Variants in DCLK1 observed in about 807,000 individuals in gnomAD.
DCLK1 encodes the protein doublecortin like kinase 1.
A neutral mutation model predicts 86.2 loss-of-function variants in DCLK1; 16 were observed. That is an observed-to-expected ratio of 0.19 (90% confidence interval 0.13 to 0.28). The LOEUF (loss-of-function observed/expected upper bound fraction) is 0.28. DCLK1 is among the 10% of genes least tolerant of loss of function. DCLK1 has a pLI of 1.00. For synonymous variants in DCLK1, 369 were observed against 370.5 expected (o/e 1.00, Z 0.05); for missense variants, 590 against 940.2 (o/e 0.63, Z 4.87).
chr13:35,957,052 A>G (rs534629725), intron 3 of DCLK1, among the ~76,000 whole-genome samples: 96 of 152,292 alleles, frequency 6.3e-4, no homozygotes, highest in African/African-American at 2.2e-3. Flanking sequence ...TTGAAAAGTC[A>G]AGATGAAGAA....
chr13:35,794,518 T>G (rs1472142311), intron 15 of DCLK1, among the ~76,000 whole-genome samples: 2 of 152,232 alleles, frequency 1.3e-5, no homozygotes, highest in East Asian at 3.8e-4. Flanking sequence ...TTGCACGAGC[T>G]GGTCCCTCCA....
intron 3 of DCLK1, among the ~76,000 whole-genome samples, chr13:36,069,760 CA>C (rs1299147063): frequency 6.6e-6 from 1 of 152,200 alleles, no homozygotes; most frequent in Non-Finnish European, 1.5e-5. Context: ...GATGTCCCCC[CA>C]TTACTCTCTG....
At chr13:35,896,809 G>A (rs1874025901) in intron 4 of DCLK1, among the ~76,000 whole-genome samples, 1 of 152,126 alleles carries the variant, frequency 6.6e-6, no homozygotes, top group South Asian at 2.1e-4. Flanking sequence ...AACATAAGGT[G>A]CTAAGTATGC....
intron 3 of DCLK1, among the ~76,000 whole-genome samples, chr13:36,054,015 A>G (rs1193724456): frequency 3.9e-5 from 6 of 152,230 alleles, no homozygotes; most frequent in Non-Finnish European, 7.3e-5. Flanking sequence ...GCAATTCTCC[A>G]TGACACTTCT....
chr13:35,845,162 C>A (rs1445294770), intron 6 of DCLK1, among the ~76,000 whole-genome samples: 1 of 152,070 alleles, frequency 6.6e-6, no homozygotes, highest in South Asian at 2.1e-4. Context: ...GCACAAGAAC[C>A]GCTTGAACCC....
At chr13:35,970,877 C>T (rs867419619) in intron 3 of DCLK1, among the ~76,000 whole-genome samples, 2 of 152,088 alleles carry the variant, frequency 1.3e-5, no homozygotes, top group Admixed American at 1.3e-4. Flanking sequence ...CATTTCAGTG[C>T]CCTAAATGTT....
chr13:35,796,172 CAA>C (rs2086807668), intron 15 of DCLK1, among the ~76,000 whole-genome samples: 1 of 152,064 alleles, frequency 6.6e-6, no homozygotes, highest in African/African-American at 2.4e-5. Context: ...CTGGCCTCAC[CAA>C]CAAGATTACA....
intron 4 of DCLK1, among the ~76,000 whole-genome samples, chr13:35,888,627 G>A (rs920629830): frequency 1.3e-5 from 2 of 152,210 alleles, no homozygotes; most frequent in Non-Finnish European, 2.9e-5. Flanking sequence ...TGGAGGGATT[G>A]TGGTCTTTCA....
rs186676156 is a variant in DCLK1, at chr13:35,773,433, A to T, written c.*1102T>A. The T allele has an allele frequency of 1.3e-5, 2 of 151,984 alleles. No homozygotes were observed. The highest frequency in any genetic ancestry group is 1.3e-4 in the Admixed American group (2 of 15,204). The allele number at this position is 151,984 out of a possible 1,614,324, so 9.4% of individuals were successfully genotyped here. A position where few individuals can be genotyped will look rare whatever the true frequency, so the allele number is the denominator to read the frequency against. Reference sequence around the variant, plus strand: ...CTTGCCAGTGGTTTATTCACTGAAAACTTATTGTTAGAACATTCTGGATTG... The same window carrying T: ...CTTGCCAGTGGTTTATTCACTGAAATCTTATTGTTAGAACATTCTGGATTG... On this transcript the variant is annotated 3_prime_UTR_variant, in exon 17 of 17. Coordinates refer to ENST00000360631, the MANE Select transcript of DCLK1 (RefSeq NM_001330071.2).
chr13:35,921,645 C>A (rs1875808755), intron 4 of DCLK1, among the ~76,000 whole-genome samples: 1 of 152,166 alleles, frequency 6.6e-6, no homozygotes, highest in South Asian at 2.1e-4. Context: ...ATGTAAATGG[C>A]AGCAGCACCC....
At chr13:36,043,457 A>G (rs1372659696) in intron 3 of DCLK1, among the ~76,000 whole-genome samples, 1 of 152,104 alleles carries the variant, frequency 6.6e-6, no homozygotes, top group East Asian at 1.9e-4. Context: ...AGTTTCAAAG[A>G]AGAGAAAACA....
At chr13:35,873,864 C>T (rs956906894) in intron 4 of DCLK1, among the ~76,000 whole-genome samples, 1 of 152,124 alleles carries the variant, frequency 6.6e-6, no homozygotes, top group African/African-American at 2.4e-5. Context: ...GCATATTAGC[C>T]ATTTGGATTT....
At chr13:35,958,430 T>C (rs61948261) in intron 3 of DCLK1, among the ~76,000 whole-genome samples, 37,403 of 143,206 alleles carry the variant, frequency 0.26, 4,875 homozygotes, top group Middle Eastern at 0.34. Flanking sequence ...CCATCATCAC[T>C]ATAACAACAC....
chr13:35,827,596 G>A (rs1167348246), intron 10 of DCLK1, 39 bp downstream of exon 10: 9 of 1,611,594 alleles, frequency 5.6e-6, no homozygotes, highest in Non-Finnish European at 7.6e-6. Flanking sequence ...CAAGTGCGGT[G>A]CCATCAATAA....
At chr13:35,803,763 T>C (rs570773111) in intron 15 of DCLK1, among the ~76,000 whole-genome samples, 1 of 152,288 alleles carries the variant, frequency 6.6e-6, no homozygotes, top group East Asian at 1.9e-4. Flanking sequence ...AAGGTGGCAA[T>C]TCAGAGAAAT....
chr13:35,897,504 T>TG (rs1247201299), intron 4 of DCLK1, among the ~76,000 whole-genome samples: 1 of 152,184 alleles, frequency 6.6e-6, no homozygotes, highest in Non-Finnish European at 1.5e-5. Context: ...AAGGAATTCT[T>TG]GGACAACGTT....
At chr13:35,826,245 C>T (rs533484381) in intron 10 of DCLK1, among the ~76,000 whole-genome samples, 55 of 150,724 alleles carry the variant, frequency 3.6e-4, no homozygotes, top group African/African-American at 1.3e-3. Context: ...CAAGTCTGGC[C>T]GGGCACGGTG....
intron 3 of DCLK1, among the ~76,000 whole-genome samples, chr13:35,950,257 G>GTGCACTTCAA (rs1346537041): frequency 6.6e-6 from 1 of 152,198 alleles, no homozygotes; most frequent in Non-Finnish European, 1.5e-5. Flanking sequence ...AGGATAATCT[G>GTGCACTTCAA]TGCACTTCAA....
At chr13:35,908,087 T>C (rs1171078) in intron 4 of DCLK1, among the ~76,000 whole-genome samples, 9,916 of 152,200 alleles carry the variant, frequency 0.065, 1,045 homozygotes, top group African/African-American at 0.22. Context: ...TGTGCTGACA[T>C]AATACAACTC....
Sources: allele counts gnomAD v4.1 joint callset (sites outside exome capture counted in the v4.1 genomes callset), GRCh38; gene constraint gnomAD v4.1.1; transcripts MANE v1.5; gene names NCBI Gene and HGNC (gene_info 2026-07-23, HGNC 2026-07-21).